Variants in BRAP observed in about 807,000 individuals in gnomAD.
The protein encoded by BRAP is BRCA1 associated protein.
BRAP carries 42 observed loss-of-function variants against 73.4 expected under a neutral mutation model. The observed-to-expected ratio is 0.57, with a 90% CI of 0.45 to 0.74. BRAP has a LOEUF of 0.74. Ranked by LOEUF, BRAP falls within the 30% of genes least tolerant of loss-of-function variation. BRAP has a pLI of 0.00. For missense variants in BRAP, 593 were observed against 751.4 expected (o/e 0.79, Z 2.46); for synonymous variants, 255 against 267.4 (o/e 0.95, Z 0.45).
chr12:111,658,919 A>T (rs1886636543), intron 8 of BRAP, 74 bp from the exon 9 acceptor site: 7 of 1,209,334 alleles, frequency 5.8e-6, no homozygotes, highest in African/African-American at 3.1e-5. Context: ...CTCTGACAAA[A>T]TTTTTTTTTC....
intron 6 of BRAP, among the ~76,000 whole-genome samples, chr12:111,661,798 G>A (rs1352559439): frequency 6.7e-6 from 1 of 149,828 alleles, no homozygotes; most frequent in Non-Finnish European, 1.5e-5. Flanking sequence ...TGCAGCCTCT[G>A]CCACCCAGGT....
intron 4 of BRAP, among the ~76,000 whole-genome samples, chr12:111,678,517 C>T (rs1379627665): frequency 6.6e-6 from 1 of 151,086 alleles, no homozygotes; most frequent in African/African-American, 2.4e-5. Context: ...ATTAGCCAGG[C>T]ATGGTGGTGC....
At chr12:111,684,986 A>C (rs1887755339) in intron 1 of BRAP, among the ~76,000 whole-genome samples, 1 of 152,238 alleles carries the variant, frequency 6.6e-6, no homozygotes, top group South Asian at 2.1e-4. Flanking sequence ...TCTTGAATGA[A>C]TGTTAGTTAA....
At position 111,649,953 on chromosome 12, in the gene BRAP, C is replaced by G; in HGVS notation, c.1401G>C (p.Gln467His). ...HKLNDLLKEK[Q>H]SVERKCTQLN... ...ATTATACCTACTTTCTTTCCACAGA[C>G]TGCTTTTCTTTTAGGAGATCATTTA... Residue 467 changes from glutamine to histidine, a missense_variant, in exon 11 of 12, where the codon CAG (glutamine) becomes CAC (histidine). Gln to His is a conservative substitution (Grantham distance 24). Transcript: ENST00000419234. 1.2e-6 allele frequency: 2 copies of G among 1,605,296 alleles called. No individual in the cohort carries two copies. Among genetic ancestry groups the G allele is most frequent in the Admixed American group, 3.3e-5 (2 of 59,950 alleles).
chr12:111,645,388 CT>C (rs960447613), intron 11 of BRAP, among the ~76,000 whole-genome samples: 2 of 151,972 alleles, frequency 1.3e-5, no homozygotes, highest in Non-Finnish European at 2.9e-5. Flanking sequence ...TTTTAAGACA[CT>C]TTTTTTTAAG....
chr12:111,648,155 G>T (rs1351083334), intron 11 of BRAP, among the ~76,000 whole-genome samples: 1 of 151,046 alleles, frequency 6.6e-6, no homozygotes, highest in African/African-American at 2.4e-5. Flanking sequence ...AAAATTAGCT[G>T]GGTGTGGTGG....
At chr12:111,655,066 T>C (rs1313458328) in intron 10 of BRAP, among the ~76,000 whole-genome samples, 3 of 152,174 alleles carry the variant, frequency 2.0e-5, no homozygotes, top group African/African-American at 7.2e-5. Context: ...AAGTAGTGAA[T>C]GGCATCTTTT....
intron 11 of BRAP, among the ~76,000 whole-genome samples, chr12:111,649,422 G>C (rs554665458): frequency 6.6e-6 from 1 of 152,166 alleles, no homozygotes; most frequent in African/African-American, 2.4e-5. Context: ...CAAAGTGCTG[G>C]GATTACAGGC....
intron 9 of BRAP, 59 bp from the exon 10 acceptor site, chr12:111,655,714 C>A: frequency 7.3e-7 from 1 of 1,362,658 alleles, no homozygotes; most frequent in South Asian, 1.2e-5. Flanking sequence ...CTCTGAAATC[C>A]AATTTAAAAA....
intron 5 of BRAP, among the ~76,000 whole-genome samples, chr12:111,666,368 T>C (rs568760482): frequency 6.6e-6 from 1 of 152,302 alleles, no homozygotes; most frequent in African/African-American, 2.4e-5. Flanking sequence ...GAAGGATTTT[T>C]CCATAGAGTA....
chr12:111,673,690 C>G (rs1233231761), intron 4 of BRAP, among the ~76,000 whole-genome samples: 1 of 152,064 alleles, frequency 6.6e-6, no homozygotes, highest in Non-Finnish European at 1.5e-5. Context: ...TAAACCGCCA[C>G]CTAGTGTCCA....
chr12:111,674,089 C>T (rs1006013758), intron 4 of BRAP, among the ~76,000 whole-genome samples: 1 of 152,204 alleles, frequency 6.6e-6, no homozygotes, highest in Non-Finnish European at 1.5e-5. Context: ...GCATCGTCAA[C>T]CTTAAGGAAG....
At position 111,683,028 on chromosome 12, in the gene BRAP, G is replaced by A. The variant is rs532834507; in HGVS notation, c.244+118C>T. On this transcript the variant is annotated intron_variant, in intron 2 of 11. Coordinates refer to ENST00000419234, the MANE Select transcript of BRAP (RefSeq NM_006768.5). ...TAACAGTGTCATATAAAGCACACAC[G>A]TAGTGAAAGACAAAAGTATGCTAGA... 3.9e-5 allele frequency: 44 copies of A among 1,114,954 alleles called. No individual in the cohort carries two copies. In the African/African-American group the frequency reaches 5.2e-4, roughly 13 times the overall value. The allele number at this position is 1,114,954 out of a possible 1,614,324, so 69.1% of individuals were successfully genotyped here.
intron 10 of BRAP, among the ~76,000 whole-genome samples, chr12:111,652,706 C>T (rs1268685207): frequency 6.6e-6 from 1 of 151,614 alleles, no homozygotes; most frequent in African/African-American, 2.4e-5. Context: ...GTAAGATTCC[C>T]CCATCTCTCT....
intron 6 of BRAP, among the ~76,000 whole-genome samples, chr12:111,661,884 G>A (rs1886768166): frequency 1.3e-5 from 2 of 151,900 alleles, no homozygotes; most frequent in South Asian, 4.2e-4. Context: ...GCTAATTTTT[G>A]TATTTTTAGT....
At chr12:111,651,190 AC>A (rs1566111122) in intron 10 of BRAP, among the ~76,000 whole-genome samples, 1,973 of 151,814 alleles carry the variant, frequency 0.013, 49 homozygotes, top group African/African-American at 0.045. Flanking sequence ...CATTTTCCAT[AC>A]AGCCTGCCTA....
chr12:111,649,971 A>T lies in BRAP; in HGVS notation c.1383T>A (p.Asp461Glu), dbSNP rs775860285. The stretch of plus-strand genomic sequence containing the variant: ...CCACAGACTGCTTTTCTTTTAGGAG[A>T]TCATTTAGTTTGTGCTCTAGATTAT... ...KCDNLEHKLNDLLKEKQSVER... is the reference protein window; with the variant it reads ...KCDNLEHKLNELLKEKQSVER... Residue 461 changes from aspartate to glutamate, a missense_variant, in exon 11 of 12, where the codon GAT becomes GAA. Asp to Glu is a conservative substitution (Grantham distance 45). Coordinates refer to ENST00000419234, the MANE Select transcript of BRAP (RefSeq NM_006768.5). The T allele has an allele frequency of 1.9e-6, 3 of 1,611,532 alleles. No individual in the cohort carries two copies. The highest frequency in any genetic ancestry group is 2.5e-6 in the Non-Finnish European group (3 of 1,178,048).
At position 111,644,478 on chromosome 12, in the gene BRAP, G is replaced by A. The variant is rs1041432035; in HGVS notation, c.1500C>T (p.Asn500=). The change falls in exon 12 of 12, where the codon AAC becomes AAT. Residue 500 remains asparagine, a synonymous_variant. Transcript: ENST00000419234. The part of the protein sequence containing the change: ...EQEMNKCLRA[N]QVLLQNKLKE... The stretch of plus-strand genomic sequence containing the variant: ...TTAGCTTGTTCTGCAGGAGGACTTG[G>A]TTGGCTCGCAAACACTTGTTCATTT... The A allele has an allele frequency of 6.2e-7, 1 of 1,613,982 alleles. No homozygotes were observed. The highest frequency in any genetic ancestry group is 1.3e-5 in the African/African-American group (1 of 74,908).
rs1885918137 is a variant in BRAP, at chr12:111,642,169, A to G, written c.*2030T>C. ...AATAATTTCAAAGTTTGGCTATTTT[A>G]ATTCAATTTCATTGTTCAAGGTAGT... On this transcript the variant is annotated 3_prime_UTR_variant, in exon 12 of 12. Coordinates refer to ENST00000419234, the MANE Select transcript of BRAP (RefSeq NM_006768.5). 6.6e-6 allele frequency: 1 copy of G among 152,024 alleles called. No homozygotes were observed. The highest frequency in any genetic ancestry group is 1.5e-5 in the Non-Finnish European group (1 of 68,004). The allele number at this position is 152,024 out of a possible 1,614,324, so 9.4% of individuals were successfully genotyped here. A position where few individuals can be genotyped will look rare whatever the true frequency, so the allele number is the denominator to read the frequency against.
Sources: allele counts gnomAD v4.1 joint callset (sites outside exome capture counted in the v4.1 genomes callset), GRCh38; gene constraint gnomAD v4.1.1; transcripts MANE v1.5; gene names NCBI Gene and HGNC (gene_info 2026-07-23, HGNC 2026-07-21).